BACH2: variants seen among roughly 807,000 people sequenced by gnomAD.
The protein encoded by BACH2 is BACH transcriptional regulator 2.
In BACH2, 5 loss-of-function variants were observed where a neutral mutation model predicts 61.8. That is an observed-to-expected ratio of 0.08 (90% CI 0.04 to 0.17). The LOEUF (loss-of-function observed/expected upper bound fraction) is 0.17, where lower values mean the gene tolerates loss of function less well. BACH2 is among the 10% of genes least tolerant of loss of function. The pLI is 1.00. For synonymous variants in BACH2, 446 were observed against 440.1 expected, an observed-to-expected ratio of 1.01 and a Z score of -0.17; for missense variants, 824 against 1,091.1, an observed-to-expected ratio of 0.76 and a Z score of 3.45.
At position 90,056,927 on chromosome 6, in the gene BACH2, G is replaced by A. The variant is rs573486700; in HGVS notation, c.-13+32034C>T. Among the ~76,000 whole-genome samples, 380 of 152,188 alleles carry A rather than the reference G, an allele frequency of 2.5e-3. 2 individuals are homozygous for A. The highest frequency in any genetic ancestry group is 8.7e-3 in the African/African-American group (363 of 41,498). On this transcript the variant is annotated intron_variant, in intron 5 of 8. Coordinates refer to ENST00000257749, the MANE Select transcript of BACH2 (RefSeq NM_021813.4). The stretch of plus-strand genomic sequence containing the variant: ...TAAAGATGTTCTTTGAAATCAACGA[G>A]GACAAAGACACAACATACCAGAATC...
At chr6:90,266,653 A>C (rs142633246) in intron 2 of BACH2, among the ~76,000 whole-genome samples, 2,012 of 152,300 alleles carry the variant, frequency 0.013, 24 homozygotes, top group Non-Finnish European at 0.02. Context: ...AGCCAGACAT[A>C]AAAAATCACA....
At chr6:90,196,125 T>C (rs1326696280) in intron 4 of BACH2, among the ~76,000 whole-genome samples, 3 of 151,868 alleles carry the variant, frequency 2.0e-5, no homozygotes, top group East Asian at 1.9e-4. Context: ...TCAATGCAAG[T>C]ACTTTTTTTT....
At chr6:90,261,761 G>A (rs1003831178) in intron 2 of BACH2, among the ~76,000 whole-genome samples, 2 of 152,020 alleles carry the variant, frequency 1.3e-5, no homozygotes, top group African/African-American at 4.8e-5. Flanking sequence ...ATCGCCCCTT[G>A]ATCTCACGAT....
rs1582506001 is a variant in BACH2 at position 90,224,865 on chromosome 6, T to C, written c.-274-18184A>G. 2.0e-5 allele frequency among the ~76,000 whole-genome samples: 3 copies of C among 152,290 alleles called. No individual in the cohort carries two copies. The South Asian group carries it at 6.2e-4, about 32-fold the overall frequency. ...TTCAGCCCAGGGCAGAAACCATTCCTCATTATCCTAAGAGCAGTGAAGCTG... is the reference window on the plus strand; with the variant it reads ...TTCAGCCCAGGGCAGAAACCATTCCCCATTATCCTAAGAGCAGTGAAGCTG... On this transcript the variant is annotated intron_variant, in intron 3 of 8. Coordinates refer to ENST00000257749, the MANE Select transcript of BACH2 (RefSeq NM_021813.4).
intron 4 of BACH2, among the ~76,000 whole-genome samples, chr6:90,198,501 T>C (rs557011443): frequency 3.3e-5 from 5 of 152,208 alleles, no homozygotes; most frequent in Admixed American, 3.3e-4. Context: ...CTGGGGCCTA[T>C]AGGGTCTTAA....
intron 4 of BACH2, among the ~76,000 whole-genome samples, chr6:90,097,367 A>G (rs1782423077): frequency 6.6e-6 from 1 of 152,200 alleles, no homozygotes; most frequent in Non-Finnish European, 1.5e-5. Flanking sequence ...TACTGTTGAA[A>G]AACCAACATG....
chr6:90,144,253 A>G (rs1784550053), intron 4 of BACH2, among the ~76,000 whole-genome samples: 1 of 152,198 alleles, frequency 6.6e-6, no homozygotes, highest in Admixed American at 6.5e-5. Context: ...AGAAAAGTCT[A>G]TTTATTTAGC....
At chr6:90,045,939 C>T (rs768248069) in intron 5 of BACH2, among the ~76,000 whole-genome samples, 2 of 152,158 alleles carry the variant, frequency 1.3e-5, no homozygotes, top group Non-Finnish European at 2.9e-5. Flanking sequence ...CATAGTCTTA[C>T]AGGCTTCTCT....
chr6:90,065,617 T>C (rs1780922808), intron 5 of BACH2, among the ~76,000 whole-genome samples: 1 of 152,152 alleles, frequency 6.6e-6, no homozygotes, highest in Non-Finnish European at 1.5e-5. Flanking sequence ...CGCCTACCTC[T>C]ATCCCAGATT....
At chr6:90,028,489 C>G (rs1320708759) in intron 5 of BACH2, among the ~76,000 whole-genome samples, 2 of 152,172 alleles carry the variant, frequency 1.3e-5, no homozygotes, top group African/African-American at 4.8e-5. Context: ...AATCAGAATC[C>G]TCTTTCATCA....
chr6:90,268,020 T>TG (rs1238401779), intron 2 of BACH2, among the ~76,000 whole-genome samples: 4 of 151,350 alleles, frequency 2.6e-5, no homozygotes, highest in Admixed American at 2.6e-4. Flanking sequence ...GTTTTTTTTT[T>TG]TTTTTCAAGA....
At chr6:89,955,227 T>A (rs1158216586) in intron 6 of BACH2, among the ~76,000 whole-genome samples, 1 of 152,214 alleles carries the variant, frequency 6.6e-6, no homozygotes, top group African/African-American at 2.4e-5. Context: ...CTGTTTCTTC[T>A]TCTGTGCTAG....
chr6:89,973,862 A>C lies in BACH2; in HGVS notation c.244-22000T>G, dbSNP rs368004109. On this transcript the variant is annotated intron_variant, in intron 6 of 8. Coordinates refer to ENST00000257749, the MANE Select transcript of BACH2 (RefSeq NM_021813.4). ...CTGACGTAAATTGAGGAGAGCCATT[A>C]ATGGATAAAGTGAAAGAAAAATGAT... is the stretch of plus-strand genomic sequence containing the variant. Among the ~76,000 whole-genome samples the C allele has an allele frequency of 1.1e-4, 16 of 152,274 alleles. 2 individuals carry two copies. The highest frequency in any genetic ancestry group is 6.5e-4 in the Admixed American group (10 of 15,302).
intron 3 of BACH2, among the ~76,000 whole-genome samples, chr6:90,210,939 C>T (rs550977295): frequency 6.6e-6 from 1 of 151,764 alleles, no homozygotes; most frequent in East Asian, 1.9e-4. Context: ...ACGGGTGGAC[C>T]ACTTGAAGTC....
chr6:90,029,116 C>G (rs1348387426), intron 5 of BACH2, among the ~76,000 whole-genome samples: 1 of 152,190 alleles, frequency 6.6e-6, no homozygotes, highest in African/African-American at 2.4e-5. Flanking sequence ...CACCCAGACT[C>G]TCCCGGCCTG....
intron 1 of BACH2, 23 bp downstream of exon 1, chr6:90,296,456 CG>C (rs1233144433): frequency 6.6e-6 from 1 of 150,536 alleles, no homozygotes; most frequent in African/African-American, 2.4e-5. Flanking sequence ...CGGCGGGGCC[CG>C]GGGCCCGGGG....
intron 4 of BACH2, among the ~76,000 whole-genome samples, chr6:90,191,779 T>C (rs1376673344): frequency 6.6e-6 from 1 of 152,166 alleles, no homozygotes; most frequent in Non-Finnish European, 1.5e-5. Context: ...AGGGATTCCA[T>C]AAAATGGTAA....
At chr6:90,141,155 T>G (rs574769442) in intron 4 of BACH2, among the ~76,000 whole-genome samples, 15 of 152,302 alleles carry the variant, frequency 9.8e-5, no homozygotes, top group African/African-American at 3.4e-4. Context: ...TAAAATAAAA[T>G]GTATTGCGTG....
intron 8 of BACH2, among the ~76,000 whole-genome samples, chr6:89,933,548 T>C (rs1480796241): frequency 2.6e-5 from 4 of 151,724 alleles, no homozygotes; most frequent in African/African-American, 7.3e-5. Context: ...TAATGATGTG[T>C]CAGTGTAGGT....
Sources: allele counts gnomAD v4.1 joint callset (sites outside exome capture counted in the v4.1 genomes callset), GRCh38; gene constraint gnomAD v4.1.1; transcripts MANE v1.5; gene names NCBI Gene and HGNC (gene_info 2026-07-23, HGNC 2026-07-21).